Variants in BMP3 observed in about 807,000 individuals in gnomAD.
BMP3 encodes bone morphogenetic protein 3.
A neutral mutation model predicts 38.1 loss-of-function variants in BMP3; 23 were observed. That is an observed-to-expected ratio of 0.60 (90% CI 0.43 to 0.86). The LOEUF (loss-of-function observed/expected upper bound fraction) is 0.86, where lower values mean the gene tolerates loss of function less well. Ranked by LOEUF, BMP3 falls within the 40% of genes least tolerant of loss-of-function variation. The pLI is 0.00. For synonymous variants in BMP3, 258 were observed against 225.7 expected (o/e 1.14, Z -1.28); for missense variants, 628 against 579.6 (o/e 1.08, Z -0.86).
At position 81,053,369 on chromosome 4, in the gene BMP3, A is replaced by C. The variant is rs781042722; in HGVS notation, c.1252A>C (p.Thr418Pro). The C allele has an allele frequency of 6.3e-7, 1 of 1,584,536 alleles. No individual in the cohort carries two copies. Among genetic ancestry groups the C allele is most frequent in the African/African-American group, 1.4e-5 (1 of 72,898 alleles). ...PKSLKPSNHA[T>P]IQSIVRAVGV... is the part of the protein sequence containing the mutation. ...GTCTTTGAAGCCATCAAATCATGCT[A>C]CCATCCAGAGTATAGTGAGAGCTGT... Residue 418 changes from threonine to proline, a missense_variant, in exon 3 of 3, where the codon ACC (threonine) becomes CCC (proline). Transcript: ENST00000282701.
rs1335850232 is a variant in BMP3 at position 81,031,534 on chromosome 4, C to T, written c.250C>T (p.Gln84Ter). The change falls in exon 1 of 3, where the codon CAG becomes TAG. Residue 84 changes from glutamine to a stop codon, truncating the protein, a stop_gained. Transcript: ENST00000282701. LOFTEE classifies it high-confidence loss of function. ...RTPGSLEGGS[Q>*]PWRPRLLREG... is the part of the protein sequence containing the mutation. Reference sequence around the variant, plus strand: ...ACCGGGCTCCCTGGAGGGAGGCTCGCAGCCCTGGCGCCCTCGGCTCCTGCG... The same window carrying T: ...ACCGGGCTCCCTGGAGGGAGGCTCGTAGCCCTGGCGCCCTCGGCTCCTGCG... 1 of 1,611,214 alleles carries T rather than the reference C, an allele frequency of 6.2e-7. No individual in the cohort carries two copies. Among genetic ancestry groups the T allele is most frequent in the Non-Finnish European group, 8.5e-7 (1 of 1,179,220 alleles).
chr4:81,048,390 C>T (rs1156418293), intron 2 of BMP3, among the ~76,000 whole-genome samples: 1 of 152,162 alleles, frequency 6.6e-6, no homozygotes, highest in Non-Finnish European at 1.5e-5. Context: ...CAAATAATCC[C>T]TCTCACTTAT....
At position 81,032,220 on chromosome 4, in the gene BMP3, A is replaced by AAAC. The variant is rs70956086; in HGVS notation, c.316+620_316+621insAAC. Among the ~76,000 whole-genome samples, 11 of 144,202 alleles carry AAAC rather than the reference A, an allele frequency of 7.6e-5. No individual in the cohort carries two copies. In the South Asian group the frequency reaches 2.2e-3, roughly 29 times the overall value. The allele number at this position is 144,202 out of a possible 152,430, so 94.6% of individuals were successfully genotyped here. A position where few individuals can be genotyped will look rare whatever the true frequency, so the allele number is the denominator to read the frequency against. On this transcript the variant is annotated intron_variant, in intron 1 of 2. Coordinates refer to ENST00000282701, the MANE Select transcript of BMP3 (RefSeq NM_001201.5). ...AAAAAAAAAAAAAAAAAAAAAAAAA[A>AAAC]CAGGTGCTTGGGTGTTTCGATTATT...
chr4:81,042,380 T>A (rs1451910474), intron 1 of BMP3, among the ~76,000 whole-genome samples: 1 of 152,188 alleles, frequency 6.6e-6, no homozygotes, highest in African/African-American at 2.4e-5. Flanking sequence ...AACAACTCTA[T>A]AGTTGCTACT....
At chr4:81,037,920 A>G (rs954169597) in intron 1 of BMP3, among the ~76,000 whole-genome samples, 18 of 152,120 alleles carry the variant, frequency 1.2e-4, no homozygotes, top group South Asian at 4.1e-4. Context: ...TCTCTAGCCC[A>G]TACTAGACCC....
Position 81,046,476 on chromosome 4 carries a change from A to G in BMP3, c.1055A>G (p.Asp352Gly). 2 of 1,614,070 alleles carry G rather than the reference A, an allele frequency of 1.2e-6. No individual in the cohort carries two copies. The highest frequency in any genetic ancestry group is 1.7e-6 in the Non-Finnish European group (2 of 1,180,002). The stretch of plus-strand genomic sequence containing the variant: ...CGGAAGAGCCAGACGCTCCAATTTG[A>G]TGAGCAGACCCTGAAAAAGGCAAGG... Reference protein sequence around the residue: ...PHRKSQTLQFDEQTLKKARRK... With the variant: ...PHRKSQTLQFGEQTLKKARRK... The change falls in exon 2 of 3, where the codon GAT becomes GGT. Residue 352 changes from aspartate (D) to glycine (G), a missense_variant. Physicochemically the swap from Asp to Gly is moderately conservative, Grantham distance 94. Coordinates refer to ENST00000282701, the MANE Select transcript of BMP3 (RefSeq NM_001201.5).
chr4:81,037,566 G>A (rs1443477963), intron 1 of BMP3, among the ~76,000 whole-genome samples: 1 of 152,044 alleles, frequency 6.6e-6, no homozygotes, highest in Non-Finnish European at 1.5e-5. Context: ...ATGCAAAGAT[G>A]CTTTAAAAGT....
intron 2 of BMP3, among the ~76,000 whole-genome samples, chr4:81,051,446 A>G (rs1308404152): frequency 6.6e-6 from 1 of 152,196 alleles, no homozygotes; most frequent in Admixed American, 6.6e-5. Context: ...TCCACTTTGT[A>G]TAAAATTCAA....
At chr4:81,032,441 G>A (rs1342536353) in intron 1 of BMP3, among the ~76,000 whole-genome samples, 1 of 152,092 alleles carries the variant, frequency 6.6e-6, no homozygotes, top group African/African-American at 2.4e-5. Context: ...TGTGGTGAAG[G>A]GAATAACTTA....
chr4:81,039,585 T>G (rs4403043), intron 1 of BMP3, among the ~76,000 whole-genome samples: 139,081 of 152,188 alleles, frequency 0.91, 64,811 homozygotes, highest in East Asian at 1. Context: ...TTCATCAGGT[T>G]CAAGTGCTTT....
chr4:81,031,987 G>C (rs1363466659), intron 1 of BMP3, among the ~76,000 whole-genome samples: 3 of 151,956 alleles, frequency 2.0e-5, no homozygotes, highest in African/African-American at 7.3e-5. Context: ...AAATTCCTTT[G>C]GACTGGGCTT....
chr4:81,044,089 A>G (rs891570394), intron 1 of BMP3, among the ~76,000 whole-genome samples: 1 of 152,206 alleles, frequency 6.6e-6, no homozygotes, highest in Non-Finnish European at 1.5e-5. Context: ...ATTAGCTTGT[A>G]TAATGTTGTG....
At chr4:81,037,111 G>C (rs1739943295) in intron 1 of BMP3, among the ~76,000 whole-genome samples, 1 of 151,940 alleles carries the variant, frequency 6.6e-6, no homozygotes, top group Admixed American at 6.6e-5. Context: ...ACTAGCTTCA[G>C]TTAGTTCTTT....
Position 81,035,346 on chromosome 4 carries a change from GA to G in BMP3, c.316+3755del, listed in dbSNP as rs150388153. ...TGTTTCATTGACCATGGGGGTCAAT[GA>G]AAAAAAAATCTCCTAAGCAAATAAT... is the stretch of plus-strand genomic sequence containing the variant. On this transcript the variant is annotated intron_variant, in intron 1 of 2. Transcript: ENST00000282701. 2.4e-3 allele frequency among the ~76,000 whole-genome samples: 364 copies of G among 149,998 alleles called. 2 individuals are homozygous for G. Among genetic ancestry groups the G allele is most frequent in the Middle Eastern group, 3.5e-3 (1 of 288 alleles).
At chr4:81,044,682 G>A (rs1050245036) in intron 1 of BMP3, among the ~76,000 whole-genome samples, 5 of 152,066 alleles carry the variant, frequency 3.3e-5, no homozygotes, top group Admixed American at 6.6e-5. Flanking sequence ...TGTCTCTATG[G>A]ATTTTACTAT....
Position 81,055,598 on chromosome 4 carries a change from T to G in BMP3, c.*2062T>G, listed in dbSNP as rs1740531970. ...CGTACTGTTTTTCAATAAAGAAAAC[T>G]TTTTCATTGGTAGATTTGGTGAAAT... On this transcript the variant is annotated 3_prime_UTR_variant, in exon 3 of 3. Coordinates refer to ENST00000282701, the MANE Select transcript of BMP3 (RefSeq NM_001201.5). The G allele has an allele frequency of 6.6e-6, 1 of 152,152 alleles. No homozygotes were observed. Among genetic ancestry groups the G allele is most frequent in the Non-Finnish European group, 1.5e-5 (1 of 68,008 alleles). 9.4% of individuals were successfully genotyped at this position (152,152 alleles called of 1,614,324 possible).
chr4:81,039,508 G>C (rs913843889), intron 1 of BMP3, among the ~76,000 whole-genome samples: 1 of 152,152 alleles, frequency 6.6e-6, no homozygotes, highest in African/African-American at 2.4e-5. Flanking sequence ...GCACTGAAGT[G>C]TTGCAATAGC....
At chr4:81,050,413 C>T (rs150087296) in intron 2 of BMP3, among the ~76,000 whole-genome samples, 1 of 152,246 alleles carries the variant, frequency 6.6e-6, no homozygotes, top group African/African-American at 2.4e-5. Flanking sequence ...AAGTTCTATA[C>T]CTTTGCCTCT....
At chr4:81,043,630 C>T (rs1225655575) in intron 1 of BMP3, among the ~76,000 whole-genome samples, 1 of 135,728 alleles carries the variant, frequency 7.4e-6, no homozygotes, top group East Asian at 2.2e-4. Flanking sequence ...CTCTGTTGCC[C>T]AGGCTGGTGT....
Sources: allele counts gnomAD v4.1 joint callset (sites outside exome capture counted in the v4.1 genomes callset), GRCh38; gene constraint gnomAD v4.1.1; transcripts MANE v1.5; gene names NCBI Gene and HGNC (gene_info 2026-07-23, HGNC 2026-07-21).